Variants in CDH12 observed in about 807,000 individuals in gnomAD.
The protein encoded by CDH12 is cadherin-12.
Under a neutral mutation model 74.1 loss-of-function variants are expected in CDH12, and 41 were observed. The observed-to-expected ratio is 0.55, with a 90% CI of 0.43 to 0.72. CDH12 has a LOEUF of 0.72. Ranked by LOEUF, CDH12 falls within the 30% of genes least tolerant of loss-of-function variation. The pLI, the probability that CDH12 is intolerant of heterozygous loss-of-function variation, is 0.00. For synonymous variants in CDH12, 399 were observed against 355.0 expected, an observed-to-expected ratio of 1.12 and a Z score of -1.39; for missense variants, 945 against 977.2, an observed-to-expected ratio of 0.97 and a Z score of 0.44.
intron 8 of CDH12, among the ~76,000 whole-genome samples, chr5:21,836,399 C>G (rs903811648): frequency 1.3e-4 from 20 of 149,954 alleles, no homozygotes; most frequent in African/African-American, 4.9e-4. Context: ...GTACTATTTT[C>G]TATGTTCAAA....
At chr5:21,853,651 G>A (rs530318424) in intron 7 of CDH12, among the ~76,000 whole-genome samples, 8 of 151,528 alleles carry the variant, frequency 5.3e-5, no homozygotes, top group Middle Eastern at 3.4e-3. Flanking sequence ...TATCTAATTC[G>A]TATACCAGAT....
At chr5:21,908,833 T>G (rs1238665632) in intron 6 of CDH12, among the ~76,000 whole-genome samples, 3 of 152,158 alleles carry the variant, frequency 2.0e-5, no homozygotes, top group Non-Finnish European at 4.4e-5. Context: ...GAATCAGATT[T>G]TGGTGTTGGC....
At chr5:21,943,090 C>G (rs1038432366) in intron 6 of CDH12, among the ~76,000 whole-genome samples, 53 of 152,218 alleles carry the variant, frequency 3.5e-4, no homozygotes, top group African/African-American at 1.2e-3. Context: ...CTCTCTCTCC[C>G]CTGCTGCCAT....
chr5:22,846,775 A>G (rs372749858), intron 1 of CDH12, among the ~76,000 whole-genome samples: 66 of 152,300 alleles, frequency 4.3e-4, no homozygotes, highest in African/African-American at 1.5e-3. Context: ...GCTTGACAAT[A>G]TCCCTATCTG....
intron 6 of CDH12, among the ~76,000 whole-genome samples, chr5:21,859,374 T>A (rs1221926434): frequency 6.6e-6 from 1 of 151,734 alleles, no homozygotes; most frequent in Non-Finnish European, 1.5e-5. Flanking sequence ...AACATCAGAT[T>A]TCATGAAAAC....
intron 1 of CDH12, among the ~76,000 whole-genome samples, chr5:22,696,607 C>G (rs1580897144): frequency 6.6e-6 from 1 of 152,066 alleles, no homozygotes; most frequent in East Asian, 1.9e-4. Flanking sequence ...GAATATTGCT[C>G]AGTGGGTGTT....
intron 2 of CDH12, among the ~76,000 whole-genome samples, chr5:22,433,729 G>A (rs529634719): frequency 6.6e-6 from 1 of 152,226 alleles, no homozygotes; most frequent in African/African-American, 2.4e-5. Flanking sequence ...AGAAAGCTCA[G>A]TACTTACAAG....
intron 5 of CDH12, among the ~76,000 whole-genome samples, chr5:22,053,302 C>A (rs1740514284): frequency 6.6e-6 from 1 of 152,080 alleles, no homozygotes; most frequent in African/African-American, 2.4e-5. Flanking sequence ...AGTTATAACC[C>A]ATTCAACTTC....
intron 1 of CDH12, among the ~76,000 whole-genome samples, chr5:22,602,952 T>C (rs886132140): frequency 2.6e-5 from 4 of 152,330 alleles, no homozygotes; most frequent in East Asian, 1.9e-4. Flanking sequence ...GAGTCTTTCA[T>C]TGACATAATA....
chr5:22,218,721 T>C (rs1055190573), intron 3 of CDH12, among the ~76,000 whole-genome samples: 1 of 151,700 alleles, frequency 6.6e-6, no homozygotes, highest in Admixed American at 6.6e-5. Flanking sequence ...CAGTTTACTG[T>C]ATATAAATTA....
chr5:22,066,058 G>T (rs1741534976), intron 5 of CDH12, among the ~76,000 whole-genome samples: 1 of 152,156 alleles, frequency 6.6e-6, no homozygotes, highest in Non-Finnish European at 1.5e-5. Flanking sequence ...ACTTGCACCA[G>T]TTTATAGACC....
chr5:21,924,668 T>C (rs777923258), intron 6 of CDH12, among the ~76,000 whole-genome samples: 2 of 152,358 alleles, frequency 1.3e-5, no homozygotes, highest in South Asian at 4.1e-4. Flanking sequence ...GTTAAGGTTA[T>C]TTCAGAAATC....
chr5:22,716,765 C>A (rs890094117), intron 1 of CDH12, among the ~76,000 whole-genome samples: 1 of 151,978 alleles, frequency 6.6e-6, no homozygotes, highest in Non-Finnish European at 1.5e-5. Context: ...ATTGATGATC[C>A]TGACCCTGTG....
intron 1 of CDH12, among the ~76,000 whole-genome samples, chr5:22,628,687 A>C (rs974656325): frequency 2.0e-5 from 3 of 152,162 alleles, no homozygotes; most frequent in Non-Finnish European, 2.9e-5. Flanking sequence ...CACTTAGAGA[A>C]GCTAGAGAAA....
intron 1 of CDH12, among the ~76,000 whole-genome samples, chr5:22,754,331 G>A (rs141573726): frequency 7.9e-5 from 12 of 152,226 alleles, no homozygotes. Flanking sequence ...TAAGTACTGG[G>A]GTAACAACCC....
At chr5:22,268,580 A>T (rs1028438153) in intron 3 of CDH12, among the ~76,000 whole-genome samples, 1 of 152,136 alleles carries the variant, frequency 6.6e-6, no homozygotes, top group Non-Finnish European at 1.5e-5. Flanking sequence ...TTGTAAAAAA[A>T]AACTCTACAA....
At chr5:22,371,951 T>C (rs1397788625) in intron 3 of CDH12, among the ~76,000 whole-genome samples, 1 of 152,174 alleles carries the variant, frequency 6.6e-6, no homozygotes, top group Non-Finnish European at 1.5e-5. Context: ...GATTTTAAGT[T>C]AGGCCAAAAC....
intron 1 of CDH12, among the ~76,000 whole-genome samples, chr5:22,751,354 AT>A (rs1745565772): frequency 2.0e-5 from 3 of 148,432 alleles, no homozygotes; most frequent in Non-Finnish European, 4.5e-5. Context: ...ATATATATAT[AT>A]ATAATATCTA....
chr5:21,762,943 T>C (rs898989416), intron 12 of CDH12, among the ~76,000 whole-genome samples: 1 of 151,366 alleles, frequency 6.6e-6, no homozygotes, highest in Non-Finnish European at 1.5e-5. Context: ...ACTTGAGGAA[T>C]TTTGGTAAAC....
Sources: gnomAD v4.1 joint callset for allele counts (sites outside exome capture counted in the v4.1 genomes callset) on GRCh38, gnomAD v4.1.1 for gene constraint, MANE v1.5 for transcripts, NCBI Gene and HGNC (gene_info 2026-07-23, HGNC 2026-07-21) for gene names.